Variants in TET1 observed in about 807,000 individuals in gnomAD.
TET1 encodes methylcytosine dioxygenase TET1.
Under a neutral mutation model 148.7 loss-of-function variants are expected in TET1, and 13 were observed. The observed-to-expected ratio is 0.09, with a 90% CI of 0.06 to 0.14. The LOEUF (loss-of-function observed/expected upper bound fraction) is 0.14, where lower values mean the gene tolerates loss of function less well. Among genes scored for constraint, TET1 ranks in the 10% least tolerant of loss-of-function variants. The pLI, the probability that TET1 is intolerant of heterozygous loss-of-function variation, is 1.00. For synonymous variants in TET1, 907 were observed against 937.2 expected (o/e 0.97, Z 0.59); for missense variants, 2,182 against 2,553.8 (o/e 0.85, Z 3.14).
chr10:68,569,364 T>C (rs575396359), intron 1 of TET1, among the ~76,000 whole-genome samples: 112 of 151,840 alleles, frequency 7.4e-4, no homozygotes, highest in African/African-American at 2.5e-3. Flanking sequence ...TTAGTAGAGA[T>C]GGGGTTTCAC....
At chr10:68,592,104 G>A (rs185842085) in intron 2 of TET1, among the ~76,000 whole-genome samples, 1 of 152,154 alleles carries the variant, frequency 6.6e-6, no homozygotes, top group Non-Finnish European at 1.5e-5. Flanking sequence ...GATCACCTGA[G>A]GTCAGGAGTT....
At chr10:68,669,275 A>G (rs2055236637) in intron 7 of TET1, among the ~76,000 whole-genome samples, 1 of 151,744 alleles carries the variant, frequency 6.6e-6, no homozygotes, top group Non-Finnish European at 1.5e-5. Flanking sequence ...GTTCACAAAT[A>G]CAGAAAGATG....
intron 5 of TET1, 55 bp downstream of exon 5, chr10:68,651,991 G>C (rs932608255): frequency 2.0e-6 from 3 of 1,471,742 alleles, no homozygotes; most frequent in Admixed American, 1.9e-5. Context: ...CTGACTCAAC[G>C]GAGATAAATC....
intron 2 of TET1, among the ~76,000 whole-genome samples, chr10:68,581,197 G>A (rs1158120875): frequency 6.6e-6 from 1 of 151,986 alleles, no homozygotes; most frequent in Non-Finnish European, 1.5e-5. Flanking sequence ...CTTCTGAGAG[G>A]TATCTTTTGG....
chr10:68,644,475 C>T (rs745845702), intron 3 of TET1, among the ~76,000 whole-genome samples: 8 of 152,010 alleles, frequency 5.3e-5, no homozygotes, highest in Non-Finnish European at 1.0e-4. Context: ...CAAAGTGCTG[C>T]GATTACAGGT....
chr10:68,577,063 C>T (rs776324812), intron 2 of TET1, among the ~76,000 whole-genome samples: 52 of 152,280 alleles, frequency 3.4e-4, no homozygotes, highest in South Asian at 8.3e-4. Flanking sequence ...TGCCCGCCAC[C>T]GCGCCCGGCT....
chr10:68,631,944 G>A (rs1457157238), intron 3 of TET1, among the ~76,000 whole-genome samples: 1 of 151,598 alleles, frequency 6.6e-6, no homozygotes, highest in African/African-American at 2.4e-5. Context: ...CCTTCTGCTT[G>A]GAGTTAGGCA....
chr10:68,602,124 C>G (rs1407693015), intron 3 of TET1, among the ~76,000 whole-genome samples: 5 of 152,184 alleles, frequency 3.3e-5, no homozygotes, highest in Non-Finnish European at 1.5e-5. Context: ...CCTGTTTCAT[C>G]AACCAACAAG....
chr10:68,668,058 A>G (rs550208109), intron 7 of TET1, among the ~76,000 whole-genome samples: 35 of 152,304 alleles, frequency 2.3e-4, no homozygotes, highest in African/African-American at 8.2e-4. Flanking sequence ...TCACATGACT[A>G]AAAACCATTT....
At chr10:68,671,389 C>A (rs1224961922) in intron 7 of TET1, among the ~76,000 whole-genome samples, 1 of 152,220 alleles carries the variant, frequency 6.6e-6, no homozygotes, top group African/African-American at 2.4e-5. Flanking sequence ...ATGTTCTTTT[C>A]TGTGGCTGCA....
At position 68,672,996 on chromosome 10, in the gene TET1, G is replaced by A. The variant is rs1301412005; in HGVS notation, c.4775G>A (p.Arg1592Lys). 1 of 1,612,444 alleles carries A rather than the reference G, an allele frequency of 6.2e-7. No homozygotes were observed. The highest frequency in any genetic ancestry group is 8.5e-7 in the Non-Finnish European group (1 of 1,178,848). ...SMYFNGCKFG[R>K]SPSPRRFRID... ...TACTTTAATGGCTGTAAGTTTGGTA[G>A]AAGCCCAAGCCCCAGAAGATTTAGA... is the stretch of plus-strand genomic sequence containing the variant. The change falls in exon 8 of 12, where the codon AGA becomes AAA. Residue 1592 changes from arginine (R) to lysine (K), a missense_variant. This residue lies in a region of TET1 where 55 missense variants were observed against 149.8 expected (regional missense o/e 0.37). Transcript: ENST00000373644.
intron 6 of TET1, among the ~76,000 whole-genome samples, chr10:68,663,211 T>C (rs2055147570): frequency 6.6e-6 from 1 of 152,186 alleles, no homozygotes; most frequent in South Asian, 2.1e-4. Context: ...AGAAGCACGC[T>C]AAATTTGAAC....
chr10:68,592,175 G>C (rs1325781993), intron 2 of TET1, among the ~76,000 whole-genome samples: 37 of 152,110 alleles, frequency 2.4e-4, no homozygotes, highest in African/African-American at 8.4e-4. Flanking sequence ...AATTAGCTGG[G>C]CATGGTGGCG....
intron 3 of TET1, among the ~76,000 whole-genome samples, chr10:68,607,449 C>A (rs7077761): frequency 2.7e-5 from 4 of 148,938 alleles, no homozygotes; most frequent in Non-Finnish European, 4.5e-5. Flanking sequence ...TTTATTTGTT[C>A]TTGAGACAGG....
At chr10:68,612,093 C>CT (rs1178340147) in intron 3 of TET1, among the ~76,000 whole-genome samples, 7,377 of 142,146 alleles carry the variant, frequency 0.052, 625 homozygotes, top group African/African-American at 0.18. Flanking sequence ...TTGTTGTTTT[C>CT]TTTTTTTTTT....
intron 3 of TET1, among the ~76,000 whole-genome samples, chr10:68,643,069 G>A (rs2054782923): frequency 6.6e-6 from 1 of 151,672 alleles, no homozygotes; most frequent in Non-Finnish European, 1.5e-5. Context: ...GACCAGCCTG[G>A]GCAACATGGT....
chr10:68,618,549 A>G (rs905272080), intron 3 of TET1, among the ~76,000 whole-genome samples: 4 of 152,118 alleles, frequency 2.6e-5, no homozygotes, highest in South Asian at 2.1e-4. Context: ...GTGACAACCT[A>G]CTCCTCCAAT....
chr10:68,676,502 T>C (rs1377125324), intron 8 of TET1, among the ~76,000 whole-genome samples: 1 of 150,152 alleles, frequency 6.7e-6, no homozygotes, highest in Non-Finnish European at 1.5e-5. Flanking sequence ...TCTCAATCTC[T>C]TGACCTTGTG....
At chr10:68,640,354 G>T (rs1392503166) in intron 3 of TET1, among the ~76,000 whole-genome samples, 1 of 146,768 alleles carries the variant, frequency 6.8e-6, no homozygotes, top group South Asian at 2.2e-4. Flanking sequence ...ACCTCTGCCC[G>T]CCAGGTTCAA....
Sources: gnomAD v4.1 joint callset for allele counts (sites outside exome capture counted in the v4.1 genomes callset) on GRCh38, gnomAD v4.1.1 for gene constraint, gnomAD v4.1.1 regional missense constraint, MANE v1.5 for transcripts, NCBI Gene and HGNC (gene_info 2026-07-23, HGNC 2026-07-21) for gene names.